DPF3: variants seen among roughly 807,000 people sequenced by gnomAD.
The protein encoded by DPF3 is double PHD fingers 3.
Under a neutral mutation model 56.8 loss-of-function variants are expected in DPF3, and 18 were observed. That is an observed-to-expected ratio of 0.32 (90% CI 0.22 to 0.47). The LOEUF is 0.47. Ranked by LOEUF, DPF3 falls within the 20% of genes least tolerant of loss-of-function variation. The pLI, the probability that DPF3 is intolerant of heterozygous loss-of-function variation, is 1.00. For synonymous variants in DPF3, 188 were observed against 180.2 expected, an observed-to-expected ratio of 1.04 and a Z score of -0.35; for missense variants, 403 against 488.8, an observed-to-expected ratio of 0.82 and a Z score of 1.65.
At chr14:72,672,501 G>T (rs1337485676) in intron 8 of DPF3, among the ~76,000 whole-genome samples, 1 of 152,116 alleles carries the variant, frequency 6.6e-6, no homozygotes, top group African/African-American at 2.4e-5. Context: ...AACTATTTCA[G>T]GAACATTAGA....
intron 1 of DPF3, among the ~76,000 whole-genome samples, chr14:72,872,484 C>A (rs533738472): frequency 1.1e-4 from 17 of 152,348 alleles, no homozygotes; most frequent in African/African-American, 3.4e-4. Flanking sequence ...TTTAACAGCA[C>A]CCAAGTCACA....
intron 8 of DPF3, among the ~76,000 whole-genome samples, chr14:72,637,457 A>T (rs1288859293): frequency 6.6e-6 from 1 of 152,240 alleles, no homozygotes; most frequent in Non-Finnish European, 1.5e-5. Flanking sequence ...TTATTCATTT[A>T]TTCATTCCTT....
intron 1 of DPF3, among the ~76,000 whole-genome samples, chr14:72,778,776 G>A (rs1202324072): frequency 6.6e-6 from 1 of 152,162 alleles, no homozygotes; most frequent in Non-Finnish European, 1.5e-5. Context: ...GGACAGGTGA[G>A]AGAGATTCCA....
chr14:72,667,660 T>G (rs1028142567), intron 8 of DPF3, among the ~76,000 whole-genome samples: 2 of 152,218 alleles, frequency 1.3e-5, no homozygotes, highest in Non-Finnish European at 2.9e-5. Flanking sequence ...GAAGTGATGA[T>G]TAAGAAGGTA....
intron 1 of DPF3, among the ~76,000 whole-genome samples, chr14:72,824,560 T>TTG (rs1396930480): frequency 6.6e-6 from 1 of 151,630 alleles, no homozygotes; most frequent in African/African-American, 2.4e-5. Flanking sequence ...TCTTTTTTTT[T>TTG]TTTTGTTTGT....
At chr14:72,798,983 G>C (rs1181843381) in intron 1 of DPF3, among the ~76,000 whole-genome samples, 1 of 152,204 alleles carries the variant, frequency 6.6e-6, no homozygotes, top group Admixed American at 6.5e-5. Context: ...AAGCATCTCA[G>C]GAGTGTGCAG....
chr14:72,705,726 A>C (rs931276536), intron 6 of DPF3, among the ~76,000 whole-genome samples: 1 of 152,220 alleles, frequency 6.6e-6, no homozygotes, highest in Admixed American at 6.5e-5. Flanking sequence ...ACAGTTTGGA[A>C]GCACCACTGT....
At chr14:72,780,101 AC>A (rs1891911241) in intron 1 of DPF3, among the ~76,000 whole-genome samples, 1 of 151,932 alleles carries the variant, frequency 6.6e-6, no homozygotes, top group African/African-American at 2.4e-5. Flanking sequence ...TCCTCCTCTG[AC>A]CCCCCTGCAT....
intron 1 of DPF3, among the ~76,000 whole-genome samples, chr14:72,807,633 T>C (rs186280167): frequency 6.6e-6 from 1 of 152,312 alleles, no homozygotes; most frequent in Non-Finnish European, 1.5e-5. Context: ...GGAGGATCTC[T>C]TGAGGCCAGT....
intron 1 of DPF3, among the ~76,000 whole-genome samples, chr14:72,869,514 C>T (rs1310026494): frequency 6.6e-6 from 1 of 152,140 alleles, no homozygotes; most frequent in Non-Finnish European, 1.5e-5. Context: ...CAGTGTGAGA[C>T]GGTGTGCTTC....
intron 2 of DPF3, among the ~76,000 whole-genome samples, chr14:72,756,851 AG>A (rs1890819874): frequency 3.5e-5 from 4 of 112,678 alleles, no homozygotes; most frequent in Admixed American, 9.1e-5. Flanking sequence ...AAAGAAAGAA[AG>A]AAAGAAAGAA....
chr14:72,814,767 G>A (rs1034272645), intron 1 of DPF3, among the ~76,000 whole-genome samples: 2 of 150,902 alleles, frequency 1.3e-5, no homozygotes, highest in Admixed American at 1.3e-4. Flanking sequence ...CCGAGATCGC[G>A]CCACTGCACT....
chr14:72,767,935 A>G (rs1019674832), intron 2 of DPF3, among the ~76,000 whole-genome samples: 43 of 152,160 alleles, frequency 2.8e-4, no homozygotes, highest in Admixed American at 7.9e-4. Context: ...CTTATAAGGG[A>G]AAAAAGCATT....
chr14:72,802,601 C>T (rs1258358918), intron 1 of DPF3, among the ~76,000 whole-genome samples: 2 of 152,160 alleles, frequency 1.3e-5, no homozygotes, highest in East Asian at 1.9e-4. Context: ...AGAACTGACA[C>T]ATTTTTGATA....
At position 72,840,039 on chromosome 14, in the gene DPF3, T is replaced by C. The variant is rs182502911; in HGVS notation, c.32+54018A>G. Reference sequence around the variant, plus strand: ...CCCTTGTTTTTCCTCATCCATAAAATAGGGATAAAAATACCTGACCTTGAA... The same window carrying C: ...CCCTTGTTTTTCCTCATCCATAAAACAGGGATAAAAATACCTGACCTTGAA... On this transcript the variant is annotated intron_variant, in intron 1 of 10. Transcript: ENST00000556509. Among the ~76,000 whole-genome samples, 371 of 152,316 alleles carry C rather than the reference T, an allele frequency of 2.4e-3. 3 individuals carry two copies. Among genetic ancestry groups the C allele is most frequent in the Middle Eastern group, 0.014 (4 of 294 alleles).
chr14:72,778,394 G>A (rs948865439), intron 1 of DPF3, among the ~76,000 whole-genome samples: 5 of 152,162 alleles, frequency 3.3e-5, no homozygotes, highest in African/African-American at 1.2e-4. Flanking sequence ...CACTCCTTAT[G>A]AGAATCTAAT....
In DPF3 at chr14:72,795,360, G is replaced by A. The variant is rs565197666; in HGVS notation, c.33-23467C>T. Among the ~76,000 whole-genome samples, 39 of 146,770 alleles carry A rather than the reference G, an allele frequency of 2.7e-4. 1 individual carries two copies. Among genetic ancestry groups the A allele is most frequent in the Middle Eastern group, 3.6e-3 (1 of 280 alleles). On this transcript the variant is annotated intron_variant, in intron 1 of 10. Transcript: ENST00000556509. ...AGAGCATAGGATTTGGAACCACATC[G>A]CTCTGGGTTCAAATCTAAGCTTCAC... is the stretch of plus-strand genomic sequence containing the variant.
chr14:72,732,157 T>C (rs991473474), intron 3 of DPF3, among the ~76,000 whole-genome samples: 21 of 152,180 alleles, frequency 1.4e-4, no homozygotes, highest in African/African-American at 4.8e-4. Context: ...CAGAGGAAGC[T>C]GAGCCAGAGC....
intron 7 of DPF3, among the ~76,000 whole-genome samples, chr14:72,680,302 G>A (rs751520012): frequency 2.6e-5 from 4 of 152,220 alleles, no homozygotes; most frequent in Non-Finnish European, 5.9e-5. Flanking sequence ...CAGATCCCAG[G>A]AATAAAAAGT....
Sources: allele counts gnomAD v4.1 joint callset (sites outside exome capture counted in the v4.1 genomes callset), GRCh38; gene constraint gnomAD v4.1.1; transcripts MANE v1.5; gene names NCBI Gene and HGNC (gene_info 2026-07-23, HGNC 2026-07-21).